The following DAB2 variants were observed in gnomAD, a reference collection of about 807,000 sequenced individuals.
The protein encoded by DAB2 is DAB adaptor protein 2, also known as disabled homolog 2.
In DAB2, 28 loss-of-function variants were observed where a neutral mutation model predicts 71.6. The observed-to-expected ratio is 0.39, with a 90% CI of 0.29 to 0.54. The LOEUF is 0.54. DAB2 is among the 20% of genes least tolerant of loss of function. The pLI, the probability that DAB2 is intolerant of heterozygous loss-of-function variation, is 0.68. For synonymous variants in DAB2, 345 were observed against 339.7 expected, an observed-to-expected ratio of 1.02 and a Z score of -0.17; for missense variants, 867 against 928.8, an observed-to-expected ratio of 0.93 and a Z score of 0.86.
At chr5:39,373,989 C>A (rs1561363167) in intron 14 of DAB2, among the ~76,000 whole-genome samples, 1 of 152,138 alleles carries the variant, frequency 6.6e-6, no homozygotes, top group Non-Finnish European at 1.5e-5. Context: ...TTACCCAGTT[C>A]TCTGAAGCAG....
chr5:39,419,843 A>G (rs1406127270), intron 1 of DAB2, among the ~76,000 whole-genome samples: 3 of 152,210 alleles, frequency 2.0e-5, no homozygotes, highest in Non-Finnish European at 2.9e-5. Flanking sequence ...GGTATATGGG[A>G]AAAATATCCA....
Position 39,376,639 on chromosome 5 carries a change from G to T in DAB2, c.2137+11C>A. On this transcript the variant is annotated intron_variant, in intron 12 of 14. Transcript: ENST00000320816. Reference sequence around the variant, plus strand: ...TTGTTGGAACAGTAGGCAGAGTGGTGAGTGGCTTACCATTGATCTTGTTCA... The same window carrying T: ...TTGTTGGAACAGTAGGCAGAGTGGTTAGTGGCTTACCATTGATCTTGTTCA... 1 of 1,611,940 alleles carries T rather than the reference G, an allele frequency of 6.2e-7. No homozygotes were observed. The highest frequency in any genetic ancestry group is 1.1e-5 in the South Asian group (1 of 90,914).
intron 3 of DAB2, 56 bp downstream of exon 3, chr5:39,393,198 T>G (rs912697445): frequency 1.3e-6 from 2 of 1,557,830 alleles, no homozygotes; most frequent in African/African-American, 2.7e-5. Flanking sequence ...TCTAATATAA[T>G]TCCCTCTCTT....
chr5:39,410,193 T>C (rs919053819), intron 1 of DAB2, among the ~76,000 whole-genome samples: 1 of 152,162 alleles, frequency 6.6e-6, no homozygotes, highest in African/African-American at 2.4e-5. Context: ...CCTGGTTATG[T>C]CATCAGCTAA....
chr5:39,392,685 T>A (rs531317561), intron 3 of DAB2, among the ~76,000 whole-genome samples: 1 of 152,314 alleles, frequency 6.6e-6, no homozygotes, highest in Admixed American at 6.5e-5. Flanking sequence ...ACTCTAATTC[T>A]CTTGGCCTCA....
intron 1 of DAB2, chr5:39,423,843 G>C (rs1756042464): frequency 1.3e-5 from 2 of 152,044 alleles, no homozygotes; most frequent in Non-Finnish European, 2.9e-5. Context: ...GTGTCTGGAA[G>C]CTTGTTTCTG....
rs1216686663 is a variant in DAB2, at chr5:39,383,279, ATTTGG to A, written c.688-13_688-9del. 9 of 1,576,118 alleles carry A rather than the reference ATTTGG, an allele frequency of 5.7e-6. No individual in the cohort carries two copies. In the Admixed American group the frequency reaches 1.3e-4, roughly 23 times the overall value. On this transcript the variant is annotated splice_polypyrimidine_tract_variant and intron_variant, in intron 9 of 14. Transcript: ENST00000320816. ...CAGGATATCTTTGCTTTCCTATCACATTTGGAAAGAAAAAAAAAGAAAGTGTTAGT... is the reference window on the plus strand; with the variant it reads ...CAGGATATCTTTGCTTTCCTATCACAAAAGAAAAAAAAAGAAAGTGTTAGT...
Position 39,376,846 on chromosome 5 carries a change from C to A in DAB2, c.1941G>T (p.Glu647Asp). ...TAAACATTTCTTTCACATCCTTGAT[C>A]TCTTTATCCCCAAGTGGGTCTAAGG... is the stretch of plus-strand genomic sequence containing the variant. The part of the protein sequence containing the change: ...FTALDPLGDK[E>D]IKDVKEMFKD... Residue 647 changes from glutamate (E) to aspartate (D), a missense_variant, in exon 12 of 15, where the codon GAG (glutamate) becomes GAT (aspartate). Physicochemically the swap from Glu to Asp is conservative, Grantham distance 45. Coordinates refer to ENST00000320816, the MANE Select transcript of DAB2 (RefSeq NM_001343.4). 1 of 1,614,144 alleles carries A rather than the reference C, an allele frequency of 6.2e-7. No homozygotes were observed. Among genetic ancestry groups the A allele is most frequent in the Non-Finnish European group, 8.5e-7 (1 of 1,180,016 alleles).
At chr5:39,409,815 C>T (rs1755680961) in intron 1 of DAB2, among the ~76,000 whole-genome samples, 1 of 152,120 alleles carries the variant, frequency 6.6e-6, no homozygotes, top group Non-Finnish European at 1.5e-5. Context: ...AATTCAATTT[C>T]TATACCACTT....
intron 9 of DAB2, among the ~76,000 whole-genome samples, chr5:39,387,284 CAA>C (rs1195565188): frequency 6.6e-6 from 1 of 152,164 alleles, no homozygotes; most frequent in Non-Finnish European, 1.5e-5. Context: ...TTTCCTGATA[CAA>C]GAGAGTCCTT....
Position 39,383,047 on chromosome 5 carries a change from G to A in DAB2, c.912C>T (p.Asp304=). ...AATCAAACGAAGAAGGTGTCGATTG[G>A]TCTGGCTGTGTGAAAGGATCGTCAC... is the stretch of plus-strand genomic sequence containing the variant. ...PFRDDPFTQP[D]QSTPSSFDSL... is the part of the protein sequence containing the mutation. Residue 304 remains aspartate (D), a synonymous_variant, in exon 10 of 15, where the codon GAC becomes GAT. Coordinates refer to ENST00000320816, the MANE Select transcript of DAB2 (RefSeq NM_001343.4). 1 of 1,614,096 alleles carries A rather than the reference G, an allele frequency of 6.2e-7. No individual in the cohort carries two copies. The highest frequency in any genetic ancestry group is 8.5e-7 in the Non-Finnish European group (1 of 1,180,012).
rs941247184 is a variant in DAB2, at chr5:39,390,882, G to A, written c.331-307C>T. Among the ~76,000 whole-genome samples, 3 of 152,190 alleles carry A rather than the reference G, an allele frequency of 2.0e-5. No homozygotes were observed. In the South Asian group the frequency reaches 6.2e-4, roughly 31 times the overall value. ...ACTGAGGATTAGAAGACCAAGTGAA[G>A]AGGAGACATTTAGCCCTTAAGCCAA... On this transcript the variant is annotated intron_variant, in intron 4 of 14. Coordinates refer to ENST00000320816, the MANE Select transcript of DAB2 (RefSeq NM_001343.4).
rs374337474 is a variant in DAB2 at position 39,382,797 on chromosome 5, C to G, written c.1162G>C (p.Gly388Arg). 130 of 1,614,112 alleles carry G rather than the reference C, an allele frequency of 8.1e-5. No individual in the cohort carries two copies. Among genetic ancestry groups the G allele is most frequent in the South Asian group, 6.7e-4 (61 of 91,076 alleles). Residue 388 changes from glycine to arginine, a missense_variant, in exon 10 of 15, where the codon GGC (glycine) becomes CGC (arginine). Physicochemically the swap from Gly to Arg is moderately radical, Grantham distance 125. Coordinates refer to ENST00000320816, the MANE Select transcript of DAB2 (RefSeq NM_001343.4). ...TTCGGGGAGGATTTGACAGAGAAGCCGTTCTGTTCTCTTTCAGATACCCCA... is the reference window on the plus strand; with the variant it reads ...TTCGGGGAGGATTTGACAGAGAAGCGGTTCTGTTCTCTTTCAGATACCCCA... ...QNGVSEREQN[G>R]FSVKSSPNPF...
chr5:39,386,796 C>A (rs1278834820), intron 9 of DAB2, among the ~76,000 whole-genome samples: 1 of 152,126 alleles, frequency 6.6e-6, no homozygotes, highest in Non-Finnish European at 1.5e-5. Flanking sequence ...GTTTGAATGT[C>A]ATTTATACTT....
intron 1 of DAB2, among the ~76,000 whole-genome samples, chr5:39,411,126 G>A (rs947816239): frequency 9.9e-5 from 15 of 152,020 alleles, no homozygotes; most frequent in African/African-American, 2.7e-4. Context: ...AGCATGAGGT[G>A]AACTAATAGG....
intron 1 of DAB2, among the ~76,000 whole-genome samples, chr5:39,399,046 C>G (rs975219738): frequency 1.3e-5 from 2 of 152,124 alleles, no homozygotes; most frequent in Admixed American, 6.5e-5. Flanking sequence ...TAGTTAATTC[C>G]TTTGATTACC....
At chr5:39,399,240 C>T (rs1182894428) in intron 1 of DAB2, among the ~76,000 whole-genome samples, 1 of 151,234 alleles carries the variant, frequency 6.6e-6, no homozygotes, top group Non-Finnish European at 1.5e-5. Flanking sequence ...TCAAAAAGTG[C>T]AAAATTAGTC....
intron 1 of DAB2, among the ~76,000 whole-genome samples, chr5:39,395,960 T>TTTTTTTTTTTTC (rs869136810): frequency 7.5e-6 from 1 of 132,718 alleles, no homozygotes; most frequent in South Asian, 2.4e-4. Flanking sequence ...TTTTTTTTTT[T>TTTTTTTTTTTTC]GAGACGGAGT....
intron 10 of DAB2, 72 bp downstream of exon 10, chr5:39,382,546 G>C (rs1405479983): frequency 1.0e-5 from 15 of 1,443,574 alleles, no homozygotes; most frequent in Admixed American, 3.8e-5. Flanking sequence ...GCAGGAAAGA[G>C]AGCTTGCATC....
Sources: gnomAD v4.1 joint callset for allele counts (sites outside exome capture counted in the v4.1 genomes callset) on GRCh38, gnomAD v4.1.1 for gene constraint, MANE v1.5 for transcripts, NCBI Gene and HGNC (gene_info 2026-07-23, HGNC 2026-07-21) for gene names.